Variants in DMD observed in about 807,000 individuals in gnomAD.
The protein encoded by DMD is mutant dystrophin.
Under a neutral mutation model 330.1 loss-of-function variants are expected in DMD, and 63 were observed. The observed-to-expected ratio is 0.19, with a 90% CI of 0.16 to 0.24. The LOEUF (loss-of-function observed/expected upper bound fraction) is 0.24. DMD is among the 10% of genes least tolerant of loss of function. The probability of loss-of-function intolerance (pLI) is 1.00; values close to 1 mark genes in which losing one functional copy is unlikely to be tolerated. For synonymous variants in DMD, 1,223 were observed against 959.8 expected, an observed-to-expected ratio of 1.27 and a Z score of -5.07; for missense variants, 3,344 against 2,684.1, an observed-to-expected ratio of 1.25 and a Z score of -5.43.
At chrX:31,647,954 CGGA>C (rs1687132586) in intron 54 of DMD, among the ~76,000 whole-genome samples, 1 of 112,199 alleles carries the variant, frequency 8.9e-6, no homozygotes, top group Admixed American at 9.4e-5. Flanking sequence ...TGATGACAGA[CGGA>C]ATGACCACAG....
intron 17 of DMD, among the ~76,000 whole-genome samples, chrX:32,526,898 G>T (rs2046985297): frequency 1.8e-5 from 2 of 111,848 alleles, no homozygotes; most frequent in Admixed American, 1.9e-4. Context: ...ATTAAACTAA[G>T]ATGACACATT....
intron 44 of DMD, among the ~76,000 whole-genome samples, chrX:32,139,086 A>G (rs1029888280): frequency 6.2e-5 from 7 of 112,201 alleles, no homozygotes; most frequent in African/African-American, 2.3e-4. Flanking sequence ...TCATTCTCAT[A>G]CACTTCACAT....
intron 43 of DMD, among the ~76,000 whole-genome samples, chrX:32,248,548 C>A (rs1026494956): frequency 9.1e-6 from 1 of 109,512 alleles, no homozygotes; most frequent in South Asian, 3.9e-4. Context: ...CACTCAGAAA[C>A]CCACTTTATA....
intron 74 of DMD, among the ~76,000 whole-genome samples, chrX:31,163,690 C>T (rs986425700): frequency 2.7e-5 from 3 of 111,359 alleles, no homozygotes; most frequent in African/African-American, 3.3e-5. Context: ...GGCAGTCCTT[C>T]CTCTCATTCA....
At chrX:31,190,607 G>A (rs1602530579) in intron 67 of DMD, among the ~76,000 whole-genome samples, 3 of 17,872 alleles carry the variant, frequency 1.7e-4, no homozygotes, top group Non-Finnish European at 3.9e-4. Context: ...GGGGGGGGGG[G>A]GGGGAGGGGG....
intron 38 of DMD, among the ~76,000 whole-genome samples, chrX:32,346,809 A>T (rs1476447203): frequency 9.0e-6 from 1 of 111,489 alleles, no homozygotes; most frequent in African/African-American, 3.3e-5. Context: ...AATTTTCTTT[A>T]CTTAGAAATA....
chrX:31,949,349 A>G (rs1022080200), intron 45 of DMD, among the ~76,000 whole-genome samples: 20 of 111,586 alleles, frequency 1.8e-4, no homozygotes, highest in African/African-American at 6.5e-4. Flanking sequence ...TACAGTTTTC[A>G]GAGTACAGGT....
chrX:31,357,700 C>T (rs2058739268), intron 60 of DMD, among the ~76,000 whole-genome samples: 1 of 111,102 alleles, frequency 9.0e-6, no homozygotes, highest in South Asian at 3.8e-4. Context: ...TCAATTTGAC[C>T]ACCACTCAAG....
intron 13 of DMD, among the ~76,000 whole-genome samples, chrX:32,586,349 C>T (rs5972610): frequency 0.15 from 16,102 of 107,753 alleles, 3,099 homozygotes; most frequent in African/African-American, 0.52. Context: ...AAACTATATA[C>T]ATATATAAAC....
intron 7 of DMD, among the ~76,000 whole-genome samples, chrX:32,721,088 C>G (rs985773042): frequency 1.8e-5 from 2 of 109,403 alleles, no homozygotes; most frequent in East Asian, 5.7e-4. Context: ...GTGTGTGTGT[C>G]ACAATTTCTT....
intron 1 of DMD, among the ~76,000 whole-genome samples, chrX:33,128,590 G>T (rs1255900854): frequency 8.9e-6 from 1 of 111,979 alleles, no homozygotes; most frequent in Non-Finnish European, 1.9e-5. Context: ...CTGGAAAGTA[G>T]ACTTAGAGGA....
At chrX:33,008,414 G>C (rs989746226) in intron 2 of DMD, among the ~76,000 whole-genome samples, 11 of 110,505 alleles carry the variant, frequency 1.0e-4, no homozygotes, top group Non-Finnish European at 1.9e-4. Flanking sequence ...TAGGAATCTT[G>C]GTAAGGTTAA....
intron 1 of DMD, among the ~76,000 whole-genome samples, chrX:33,157,397 G>GAT (rs1418653748): frequency 9.0e-6 from 1 of 111,403 alleles, no homozygotes; most frequent in Non-Finnish European, 1.9e-5. Flanking sequence ...TTAGATTAAA[G>GAT]GCCCACCCCA....
At chrX:32,655,074 G>A (rs929295044) in intron 9 of DMD, among the ~76,000 whole-genome samples, 2 of 110,381 alleles carry the variant, frequency 1.8e-5, no homozygotes, top group Non-Finnish European at 3.8e-5. Context: ...TATCAATTTT[G>A]TTGATCATAA....
intron 7 of DMD, among the ~76,000 whole-genome samples, chrX:32,706,471 A>G (rs1345808456): frequency 1.8e-5 from 2 of 110,029 alleles, no homozygotes; most frequent in East Asian, 5.8e-4. Context: ...GGCTGAGGTT[A>G]GAGAATCGCT....
chrX:31,682,788 T>C (rs1189763269), intron 52 of DMD, among the ~76,000 whole-genome samples: 2 of 112,509 alleles, frequency 1.8e-5, no homozygotes, highest in African/African-American at 6.5e-5. Flanking sequence ...GGTTTTCACA[T>C]AAACATAGCA....
At chrX:31,364,264 T>G (rs1418675381) in intron 60 of DMD, among the ~76,000 whole-genome samples, 1 of 112,147 alleles carries the variant, frequency 8.9e-6, no homozygotes, top group Non-Finnish European at 1.9e-5. Flanking sequence ...AATCAATCAA[T>G]CAATTCCACG....
chrX:31,774,426 C>T (rs772856848), intron 50 of DMD, among the ~76,000 whole-genome samples: 9 of 111,396 alleles, frequency 8.1e-5, no homozygotes, highest in Non-Finnish European at 1.5e-4. Flanking sequence ...ATACATTTAA[C>T]AATTTTTTAA....
intron 2 of DMD, among the ~76,000 whole-genome samples, chrX:32,871,467 C>A (rs932579): frequency 2.4e-4 from 26 of 110,122 alleles, no homozygotes; most frequent in African/African-American, 7.9e-4. Flanking sequence ...CTTCCTCAAG[C>A]GTGCTACTAT....
Sources: gnomAD v4.1 joint callset for allele counts (sites outside exome capture counted in the v4.1 genomes callset) on GRCh38, gnomAD v4.1.1 for gene constraint, MANE v1.5 for transcripts, NCBI Gene and HGNC (gene_info 2026-07-23, HGNC 2026-07-21) for gene names.